PRR30: variants seen among roughly 807,000 people sequenced by gnomAD.
The protein encoded by PRR30 is proline rich 30.
For missense variants in PRR30, 546 were observed against 525.3 expected, an observed-to-expected ratio of 1.04 and a Z score of -0.39; for synonymous variants, 229 against 222.7, an observed-to-expected ratio of 1.03 and a Z score of -0.25.
Position 27,138,452 on chromosome 2 carries a change from C to T in PRR30, c.-123G>A, listed in dbSNP as rs1672554793. Reference sequence around the variant, plus strand: ...TCAAGGCCACCTTCTGTGCGCAGAGCGTGGCTCCAGCCTGGTGTGGGTGCA... The same window carrying T: ...TCAAGGCCACCTTCTGTGCGCAGAGTGTGGCTCCAGCCTGGTGTGGGTGCA... On this transcript the variant is annotated 5_prime_UTR_variant, in exon 3 of 3. Coordinates refer to ENST00000335524, the MANE Select transcript of PRR30 (RefSeq NM_178553.4). 11 of 1,456,956 alleles carry T rather than the reference C, an allele frequency of 7.5e-6. No homozygotes were observed. The East Asian group carries it at 2.5e-4, about 33-fold the overall frequency. The allele number at this position is 1,456,956 out of a possible 1,614,324, so 90.3% of individuals were successfully genotyped here. A position where few individuals can be genotyped will look rare whatever the true frequency, so the allele number is the denominator to read the frequency against.
Position 27,137,710 on chromosome 2 carries a change from T to C in PRR30, c.620A>G (p.Asp207Gly), listed in dbSNP as rs142231081. 6,052 of 1,613,798 alleles carry C rather than the reference T, an allele frequency of 3.8e-3. 13 individuals carry two copies. Among genetic ancestry groups the C allele is most frequent in the Non-Finnish European group, 4.8e-3 (5,633 of 1,180,008 alleles). The change falls in exon 3 of 3, where the codon GAC (aspartate) becomes GGC (glycine). Residue 207 changes from aspartate to glycine, a missense_variant. By Grantham distance (94) the Asp-to-Gly change is moderately conservative. Coordinates refer to ENST00000335524, the MANE Select transcript of PRR30 (RefSeq NM_178553.4). The surrounding 1 kb of genome is among the most constrained non-coding windows in gnomAD (Gnocchi z 4.3). Reference protein sequence around the residue: ...PSEKDPAQFRDPGALAQALVV... With the variant: ...PSEKDPAQFRGPGALAQALVV... The stretch of plus-strand genomic sequence containing the variant: ...CAGGGCCTGGGCCAGGGCCCCTGGG[T>C]CCCTGAACTGTGCAGGATCCTTCTC...
At position 27,138,359 on chromosome 2, in the gene PRR30, C is replaced by A. The variant is rs1248205887; in HGVS notation, c.-30G>T. On this transcript the variant is annotated 5_prime_UTR_variant, in exon 3 of 3. Coordinates refer to ENST00000335524, the MANE Select transcript of PRR30 (RefSeq NM_178553.4). ...TTGAATCCAGAAGGAACTGGGGCAA[C>A]AAGACTAGGGATAAGAGACCTGGCA... The A allele has an allele frequency of 6.4e-7, 1 of 1,565,236 alleles. No individual in the cohort carries two copies. The highest frequency in any genetic ancestry group is 1.2e-5 in the South Asian group (1 of 83,682).
rs1228604373 is a variant in PRR30, at chr2:27,137,882, CG to C, written c.447del (p.Glu150ArgfsTer89). ...GTGAGTGTGGAGCTATGCAGTTCCT[CG>C]GGGTGGGAAGGGGACTGGCAAGGTG... ...PHSPCQSPSHPEELHSSTLTS... is the reference protein window; with the variant it reads ...PHSPCQSPSHXEELHSSTLTS... On this transcript the variant is annotated frameshift_variant, in exon 3 of 3. Coordinates refer to ENST00000335524, the MANE Select transcript of PRR30 (RefSeq NM_178553.4). LOFTEE classifies it low-confidence loss of function (END_TRUNC). The surrounding 1 kb of genome is among the most constrained non-coding windows in gnomAD (Gnocchi z 4.3). 6.3e-7 allele frequency: 1 copy of C among 1,596,716 alleles called. No individual in the cohort carries two copies. The highest frequency in any genetic ancestry group is 8.5e-7 in the Non-Finnish European group (1 of 1,170,644).
At position 27,138,161 on chromosome 2, in the gene PRR30, G is replaced by A. The variant is rs570671962; in HGVS notation, c.169C>T (p.Arg57Cys). 44 of 1,613,764 alleles carry A rather than the reference G, an allele frequency of 2.7e-5. No homozygotes were observed. Among genetic ancestry groups the A allele is most frequent in the South Asian group, 2.2e-4 (20 of 91,058 alleles). ...GCTGGTGGAGGGGAGGAGGGACGAC[G>A]GGACTGAGTGGAAGAGAACGGTGGT... ...SQPPFSSTQS[R>C]RPSSPPPASP... The change falls in exon 3 of 3, where the codon CGT becomes TGT. Residue 57 changes from arginine to cysteine, a missense_variant. By Grantham distance (180) the Arg-to-Cys change is radical. Coordinates refer to ENST00000335524, the MANE Select transcript of PRR30 (RefSeq NM_178553.4).
Position 27,137,044 on chromosome 2 carries a change from G to A in PRR30, c.*47C>T, listed in dbSNP as rs1319493929. 3.1e-6 allele frequency: 5 copies of A among 1,588,108 alleles called. No homozygotes were observed. The Admixed American group carries it at 5.3e-5, about 17-fold the overall frequency. On this transcript the variant is annotated 3_prime_UTR_variant, in exon 3 of 3. Transcript: ENST00000335524. This position sits in a 1 kb window ranked among gnomAD's most constrained non-coding sequence, Gnocchi z 4.3. The stretch of plus-strand genomic sequence containing the variant: ...CCGAGATCTGGGGCCTGGTTGGGAG[G>A]GTTGGGTTTGGAGGGGGTGTTCCAG...
chr2:27,138,539 G>T lies in PRR30; in HGVS notation c.-210C>A. On this transcript the variant is annotated 5_prime_UTR_variant, in exon 3 of 3. In the 5' UTR this introduces an upstream ATG that the reference lacks. Coordinates refer to ENST00000335524, the MANE Select transcript of PRR30 (RefSeq NM_178553.4). ...CAGCACCAGGCTCTCAGGGTGTTCAGGCATGAGCATGAATCTAAGCTTGGC... is the reference window on the plus strand; with the variant it reads ...CAGCACCAGGCTCTCAGGGTGTTCATGCATGAGCATGAATCTAAGCTTGGC... 1.1e-6 allele frequency: 1 copy of T among 913,250 alleles called. No individual in the cohort carries two copies. Among genetic ancestry groups the T allele is most frequent in the Non-Finnish European group, 1.6e-6 (1 of 634,932 alleles). The allele number at this position is 913,250 out of a possible 1,614,324, so 56.6% of individuals were successfully genotyped here.
In PRR30 at chr2:27,138,378, C is replaced by T. The variant is rs2304680; in HGVS notation, c.-49G>A. The T allele has an allele frequency of 0.17, 257,820 of 1,537,272 alleles. 25,823 individuals carry two copies. The highest frequency in any genetic ancestry group is 0.48 in the African/African-American group (34,291 of 72,160). The stretch of plus-strand genomic sequence containing the variant: ...GGGCAACAAGACTAGGGATAAGAGA[C>T]CTGGCAGAGTCAGGACCAGTATCTC... On this transcript the variant is annotated 5_prime_UTR_variant, in exon 3 of 3. Coordinates refer to ENST00000335524, the MANE Select transcript of PRR30 (RefSeq NM_178553.4).
At position 27,137,075 on chromosome 2, in the gene PRR30, C is replaced by T. The variant is rs764892131; in HGVS notation, c.*16G>A. ...GTTTGGAGGGGGTGTTCCAGGGGGC[C>T]TCCGTGGCTCTGGAACTAGACTGAT... On this transcript the variant is annotated 3_prime_UTR_variant, in exon 3 of 3. Transcript: ENST00000335524. The surrounding 1 kb of genome is among the most constrained non-coding windows in gnomAD (Gnocchi z 4.3). 6.2e-7 allele frequency: 1 copy of T among 1,608,182 alleles called. No individual in the cohort carries two copies.
Position 27,138,076 on chromosome 2 carries a change from T to A in PRR30, c.254A>T (p.His85Leu). 2 of 1,613,310 alleles carry A rather than the reference T, an allele frequency of 1.2e-6. No individual in the cohort carries two copies. Among genetic ancestry groups the A allele is most frequent in the South Asian group, 2.2e-5 (2 of 91,040 alleles). ...SCDSNSDFAPHPYSPSLPSSP... is the reference protein window; with the variant it reads ...SCDSNSDFAPLPYSPSLPSSP... ...ACTTGGGAGAGAGGGAGAATAGGGA[T>A]GTGGAGCAAAGTCAGAATTTGAGTC... Residue 85 changes from histidine (H) to leucine (L), a missense_variant, in exon 3 of 3, where the codon CAT becomes CTT. Physicochemically the swap from His to Leu is moderately conservative, Grantham distance 99. Transcript: ENST00000335524.
chr2:27,137,293 C>A lies in PRR30; in HGVS notation c.1037G>T (p.Arg346Leu), dbSNP rs151021750. 1.9e-6 allele frequency: 3 copies of A among 1,614,080 alleles called. No individual in the cohort carries two copies. Among genetic ancestry groups the A allele is most frequent in the Non-Finnish European group, 2.5e-6 (3 of 1,180,046 alleles). The part of the protein sequence containing the change: ...PASQPPAAQA[R>L]ADPVPGTPSQ... Reference sequence around the variant, plus strand: ...GGGTGTGCCTGGGACTGGGTCGGCCCGGGCCTGAGCTGCTGGAGGCTGAGA... The same window carrying A: ...GGGTGTGCCTGGGACTGGGTCGGCCAGGGCCTGAGCTGCTGGAGGCTGAGA... Residue 346 changes from arginine (R) to leucine (L), a missense_variant, in exon 3 of 3, where the codon CGG becomes CTG. Coordinates refer to ENST00000335524, the MANE Select transcript of PRR30 (RefSeq NM_178553.4). This position sits in a 1 kb window ranked among gnomAD's most constrained non-coding sequence, Gnocchi z 4.3.
At position 27,138,581 on chromosome 2, in the gene PRR30, G is replaced by A; in HGVS notation, c.-252C>T. 1.8e-6 allele frequency: 1 copy of A among 566,302 alleles called. No homozygotes were observed. Among genetic ancestry groups the A allele is most frequent in the Non-Finnish European group, 2.9e-6 (1 of 345,054 alleles). The allele number at this position is 566,302 out of a possible 1,614,324, so 35.1% of individuals were successfully genotyped here. ...AAGCTTGGCTTCTCACTTCTTTGCA[G>A]TCAACCATTGATGAGGGATGTGTGG... On this transcript the variant is annotated 5_prime_UTR_variant, in exon 3 of 3. Coordinates refer to ENST00000335524, the MANE Select transcript of PRR30 (RefSeq NM_178553.4).
In PRR30 at chr2:27,137,457, T is replaced by C; in HGVS notation, c.873A>G (p.Pro291=). The C allele has an allele frequency of 6.2e-7, 1 of 1,611,688 alleles. No homozygotes were observed. The highest frequency in any genetic ancestry group is 8.5e-7 in the Non-Finnish European group (1 of 1,179,306). ...GGCCGAAGCCGATGCCTATCCGGAG[T>C]GGCCCAGATTCCTGGCCCTGCACAC... ...LPCVQGQESG[P]LRIGIGFGLR... Residue 291 remains proline, a synonymous_variant, in exon 3 of 3, where the codon CCA becomes CCG. Coordinates refer to ENST00000335524, the MANE Select transcript of PRR30 (RefSeq NM_178553.4). This position sits in a 1 kb window ranked among gnomAD's most constrained non-coding sequence, Gnocchi z 4.3.
At position 27,137,451 on chromosome 2, in the gene PRR30, C is replaced by G. The variant is rs916567897; in HGVS notation, c.879G>C (p.Arg293=). 2 of 1,612,090 alleles carry G rather than the reference C, an allele frequency of 1.2e-6. No homozygotes were observed. Among genetic ancestry groups the G allele is most frequent in the African/African-American group, 2.7e-5 (2 of 74,870 alleles). ...CVQGQESGPL[R]IGIGFGLRLP... is the part of the protein sequence containing the mutation. ...GGCGGAGGCCGAAGCCGATGCCTAT[C>G]CGGAGTGGCCCAGATTCCTGGCCCT... The change falls in exon 3 of 3, where the codon CGG becomes CGC. Residue 293 remains arginine, a synonymous_variant. Coordinates refer to ENST00000335524, the MANE Select transcript of PRR30 (RefSeq NM_178553.4). The surrounding 1 kb of genome is among the most constrained non-coding windows in gnomAD (Gnocchi z 4.3).
In PRR30 at chr2:27,138,110, C is replaced by T. The variant is rs140556985; in HGVS notation, c.220G>A (p.Gly74Ser). Residue 74 changes from glycine to serine, a missense_variant, in exon 3 of 3, where the codon GGC becomes AGC. Coordinates refer to ENST00000335524, the MANE Select transcript of PRR30 (RefSeq NM_178553.4). Reference protein sequence around the residue: ...PASPSPGFQFGSCDSNSDFAP... With the variant: ...PASPSPGFQFSSCDSNSDFAP... ...AAGTCAGAATTTGAGTCACAAGAGC[C>T]GAATTGGAAGCCAGGAGAGGGGGAT... The T allele has an allele frequency of 1.2e-5, 20 of 1,613,558 alleles. No homozygotes were observed. The African/African-American group carries it at 2.0e-4, about 16-fold the overall frequency.
Position 27,137,337 on chromosome 2 carries a change from A to C in PRR30, c.993T>G (p.Cys331Trp). The C allele has an allele frequency of 6.2e-7, 1 of 1,614,196 alleles. No individual in the cohort carries two copies. Among genetic ancestry groups the C allele is most frequent in the South Asian group, 1.1e-5 (1 of 91,080 alleles). The change falls in exon 3 of 3, where the codon TGT becomes TGG. Residue 331 changes from cysteine (C) to tryptophan (W), a missense_variant. By Grantham distance (215) the Cys-to-Trp change is radical. Coordinates refer to ENST00000335524, the MANE Select transcript of PRR30 (RefSeq NM_178553.4). The surrounding 1 kb of genome is among the most constrained non-coding windows in gnomAD (Gnocchi z 4.3). ...GCTGAGATGCTGGCAATTGATGCCC[A>C]CAGGCCTGAGTAGCCTTGCCCTGAG... ...AGPQGKATQA[C>W]GHQLPASQPP...
Position 27,137,484 on chromosome 2 carries a change from G to C in PRR30, c.846C>G (p.Pro282=). ...GCCCAGATTCCTGGCCCTGCACACA[G>C]GGCAGTAGTTGAGGGAAAGCAAGCA... is the stretch of plus-strand genomic sequence containing the variant. The part of the protein sequence containing the change: ...PRLLAFPQLL[P]CVQGQESGPL... The change falls in exon 3 of 3, where the codon CCC becomes CCG. Residue 282 remains proline, a synonymous_variant. Coordinates refer to ENST00000335524, the MANE Select transcript of PRR30 (RefSeq NM_178553.4). The surrounding 1 kb of genome is among the most constrained non-coding windows in gnomAD (Gnocchi z 4.3). The C allele has an allele frequency of 6.2e-7, 1 of 1,605,532 alleles. No homozygotes were observed.
In PRR30 at chr2:27,138,486, T is replaced by G. The variant is rs1572353839; in HGVS notation, c.-157A>C. 1 of 1,419,574 alleles carries G rather than the reference T, an allele frequency of 7.0e-7. No individual in the cohort carries two copies. The highest frequency in any genetic ancestry group is 9.3e-7 in the Non-Finnish European group (1 of 1,077,038). 87.9% of individuals were successfully genotyped at this position (1,419,574 alleles called of 1,614,324 possible). A position where few individuals can be genotyped will look rare whatever the true frequency, so the allele number is the denominator to read the frequency against. Reference sequence around the variant, plus strand: ...AGCCTGGTGTGGGTGCAGGTGCTGGTGGCAGGCCAAGGGGATACCCAGCCC... The same window carrying G: ...AGCCTGGTGTGGGTGCAGGTGCTGGGGGCAGGCCAAGGGGATACCCAGCCC... On this transcript the variant is annotated 5_prime_UTR_variant, in exon 3 of 3. Transcript: ENST00000335524.
chr2:27,137,660 T>A lies in PRR30; in HGVS notation c.670A>T (p.Ile224Phe), dbSNP rs370897786. 17 of 1,612,938 alleles carry A rather than the reference T, an allele frequency of 1.1e-5. No homozygotes were observed. The highest frequency in any genetic ancestry group is 1.4e-5 in the Non-Finnish European group (17 of 1,179,930). ...ALVVQLGHRR[I>F]AHDLRLLLLQ... ...AGCAGTAGCCGCAGGTCGTGTGCGATGCGGCGGTGCCCCAGCTGGACCACC... is the reference window on the plus strand; with the variant it reads ...AGCAGTAGCCGCAGGTCGTGTGCGAAGCGGCGGTGCCCCAGCTGGACCACC... The change falls in exon 3 of 3, where the codon ATC becomes TTC. Residue 224 changes from isoleucine to phenylalanine, a missense_variant. Physicochemically the swap from Ile to Phe is conservative, Grantham distance 21. Transcript: ENST00000335524. The surrounding 1 kb of genome is among the most constrained non-coding windows in gnomAD (Gnocchi z 4.3).
rs765597175 is a variant in PRR30 at position 27,137,702 on chromosome 2, C to T, written c.628G>A (p.Ala210Thr). The T allele has an allele frequency of 3.7e-6, 6 of 1,613,560 alleles. No individual in the cohort carries two copies. The highest frequency in any genetic ancestry group is 5.1e-6 in the Non-Finnish European group (6 of 1,180,008). ...TGGACCACCAGGGCCTGGGCCAGGG[C>T]CCCTGGGTCCCTGAACTGTGCAGGA... is the stretch of plus-strand genomic sequence containing the variant. The part of the protein sequence containing the change: ...KDPAQFRDPG[A>T]LAQALVVQLG... Residue 210 changes from alanine (A) to threonine (T), a missense_variant, in exon 3 of 3, where the codon GCC becomes ACC. Coordinates refer to ENST00000335524, the MANE Select transcript of PRR30 (RefSeq NM_178553.4). The surrounding 1 kb of genome is among the most constrained non-coding windows in gnomAD (Gnocchi z 4.3).
Sources: allele counts gnomAD v4.1 joint callset, GRCh38; gene constraint gnomAD v4.1.1; non-coding constraint Gnocchi (gnomAD v3.1); transcripts MANE v1.5; gene names NCBI Gene and HGNC (gene_info 2026-07-23, HGNC 2026-07-21).